Variants in BMPR1B observed in about 807,000 individuals in gnomAD.
The protein encoded by BMPR1B is bone morphogenetic protein receptor type-1B.
A neutral mutation model predicts 59.1 loss-of-function variants in BMPR1B; 12 were observed. The observed-to-expected ratio is 0.20, with a 90% CI of 0.13 to 0.33. The LOEUF is 0.33. BMPR1B is among the 10% of genes least tolerant of loss of function. The pLI is 1.00. For synonymous variants in BMPR1B, 237 were observed against 207.3 expected (o/e 1.14, Z -1.23); for missense variants, 550 against 610.9 (o/e 0.90, Z 1.05).
At chr4:94,862,488 A>G (rs1424269690) in intron 1 of BMPR1B, among the ~76,000 whole-genome samples, 6 of 151,300 alleles carry the variant, frequency 4.0e-5, no homozygotes, top group African/African-American at 1.5e-4. Context: ...ATATTTCTTA[A>G]TGAAAAATTT....
At chr4:94,842,377 C>A (rs922314237) in intron 1 of BMPR1B, among the ~76,000 whole-genome samples, 10 of 152,116 alleles carry the variant, frequency 6.6e-5, no homozygotes, top group Non-Finnish European at 1.5e-4. Flanking sequence ...AAGTAGAACA[C>A]TGAAAACTAT....
At chr4:95,047,582 T>C (rs1726144515) in intron 3 of BMPR1B, among the ~76,000 whole-genome samples, 1 of 152,200 alleles carries the variant, frequency 6.6e-6, no homozygotes, top group Admixed American at 6.5e-5. Flanking sequence ...TGCCAGTTAT[T>C]CCAGTGTAAA....
intron 4 of BMPR1B, among the ~76,000 whole-genome samples, chr4:95,109,446 G>C (rs1030657029): frequency 6.6e-6 from 1 of 152,102 alleles, no homozygotes; most frequent in Non-Finnish European, 1.5e-5. Context: ...CTCTTACTGA[G>C]TGTGGTGGTA....
chr4:94,902,349 TA>T, intron 2 of BMPR1B, among the ~76,000 whole-genome samples: 1 of 151,064 alleles, frequency 6.6e-6, no homozygotes, highest in Admixed American at 6.6e-5. Context: ...GCCATTTATG[TA>T]AAAGTTTGGC....
chr4:94,794,905 TAAG>T (rs1723128812), intron 1 of BMPR1B, among the ~76,000 whole-genome samples: 1 of 146,200 alleles, frequency 6.8e-6, no homozygotes, highest in Non-Finnish European at 1.5e-5. Flanking sequence ...CTTATCAGCT[TAAG>T]GAGATTTTGG....
intron 1 of BMPR1B, among the ~76,000 whole-genome samples, chr4:94,872,786 A>G (rs1726554139): frequency 6.6e-6 from 1 of 152,226 alleles, no homozygotes; most frequent in African/African-American, 2.4e-5. Flanking sequence ...GTAAAAGATG[A>G]TTATGTTTTG....
chr4:94,908,787 TA>T (rs1560542199), intron 2 of BMPR1B, among the ~76,000 whole-genome samples: 1 of 152,080 alleles, frequency 6.6e-6, no homozygotes, highest in Non-Finnish European at 1.5e-5. Context: ...AAAAACATTA[TA>T]AAAACCCTTA....
chr4:95,039,719 T>C (rs747204944), intron 3 of BMPR1B, among the ~76,000 whole-genome samples: 1 of 152,180 alleles, frequency 6.6e-6, no homozygotes, highest in Non-Finnish European at 1.5e-5. Context: ...GCCATGAGGC[T>C]CAACACAAAT....
intron 3 of BMPR1B, among the ~76,000 whole-genome samples, chr4:95,035,998 C>T (rs1725214984): frequency 1.3e-5 from 2 of 152,028 alleles, no homozygotes; most frequent in African/African-American, 2.4e-5. Flanking sequence ...CTTACACCTC[C>T]CAGTTTAGGT....
intron 2 of BMPR1B, among the ~76,000 whole-genome samples, chr4:94,943,074 A>T (rs1261336243): frequency 2.0e-5 from 3 of 152,152 alleles, no homozygotes; most frequent in Non-Finnish European, 4.4e-5. Context: ...ATCCCAGTAT[A>T]TGCAGAGTAG....
At chr4:94,969,531 T>G (rs1041304314) in intron 2 of BMPR1B, among the ~76,000 whole-genome samples, 2 of 152,236 alleles carry the variant, frequency 1.3e-5, no homozygotes, top group African/African-American at 2.4e-5. Context: ...ATGCTTTTTC[T>G]TCTCTTTTTT....
intron 1 of BMPR1B, among the ~76,000 whole-genome samples, chr4:94,796,849 G>T (rs1723213102): frequency 6.6e-6 from 1 of 152,198 alleles, no homozygotes; most frequent in South Asian, 2.1e-4. Context: ...GTGTATTTTT[G>T]ATTTATCTTT....
At chr4:94,888,322 C>G (rs959302464) in intron 2 of BMPR1B, among the ~76,000 whole-genome samples, 1 of 151,458 alleles carries the variant, frequency 6.6e-6, no homozygotes, top group Non-Finnish European at 1.5e-5. Flanking sequence ...AATAAATATG[C>G]ATTATAAGAC....
intron 1 of BMPR1B, among the ~76,000 whole-genome samples, chr4:94,839,901 G>C (rs1445868644): frequency 6.6e-6 from 1 of 151,728 alleles, no homozygotes; most frequent in African/African-American, 2.4e-5. Context: ...GCTGGTACCG[G>C]TTGTTCCTTT....
intron 3 of BMPR1B, among the ~76,000 whole-genome samples, chr4:95,027,001 G>T (rs938974179): frequency 6.6e-6 from 1 of 151,982 alleles, no homozygotes; most frequent in Non-Finnish European, 1.5e-5. Context: ...CTGGGCTCAA[G>T]TGATTCTCCT....
chr4:95,093,264 A>G (rs1333451574), intron 3 of BMPR1B, among the ~76,000 whole-genome samples: 1 of 152,074 alleles, frequency 6.6e-6, no homozygotes, highest in Non-Finnish European at 1.5e-5. Flanking sequence ...GAGATTTTTC[A>G]AAGGTTTTTA....
intron 4 of BMPR1B, among the ~76,000 whole-genome samples, chr4:95,110,388 G>A (rs752836138): frequency 2.0e-5 from 3 of 151,818 alleles, no homozygotes; most frequent in Non-Finnish European, 4.4e-5. Flanking sequence ...AGGGAAGGAT[G>A]TCTGATAGTT....
chr4:95,120,651 T>TTCCTTCCTTCCTTCCTTTCC (rs767350006), intron 6 of BMPR1B, among the ~76,000 whole-genome samples: 1 of 34,316 alleles, frequency 2.9e-5, no homozygotes, highest in Non-Finnish European at 7.4e-5. Context: ...CCTTCCTTCC[T>TTCCTTCCTTCCTTCCTTTCC]TTCCTTCCTT....
intron 1 of BMPR1B, among the ~76,000 whole-genome samples, chr4:94,769,370 G>A (rs572136039): frequency 6.6e-6 from 1 of 152,292 alleles, no homozygotes; most frequent in South Asian, 2.1e-4. Flanking sequence ...TAGCACTTTG[G>A]GAGGCCGAGG....
Sources: allele counts gnomAD v4.1 joint callset (sites outside exome capture counted in the v4.1 genomes callset), GRCh38; gene constraint gnomAD v4.1.1; transcripts MANE v1.5; gene names NCBI Gene and HGNC (gene_info 2026-07-23, HGNC 2026-07-21).